Variants in TSGA10 observed in about 807,000 individuals in gnomAD.
TSGA10 encodes testis-specific gene 10 protein.
Under a neutral mutation model 96.6 loss-of-function variants are expected in TSGA10, and 43 were observed. The observed-to-expected ratio is 0.44, with a 90% confidence interval of 0.35 to 0.57. TSGA10 has a LOEUF of 0.57. TSGA10 is among the 20% of genes least tolerant of loss of function. The pLI is 0.01. For synonymous variants in TSGA10, 229 were observed against 269.9 expected, an observed-to-expected ratio of 0.85 and a Z score of 1.48; for missense variants, 703 against 834.4, an observed-to-expected ratio of 0.84 and a Z score of 1.94.
intron 2 of TSGA10, among the ~76,000 whole-genome samples, chr2:99,123,132 G>C (rs1413775368): frequency 6.6e-6 from 1 of 152,130 alleles, no homozygotes; most frequent in Non-Finnish European, 1.5e-5. Context: ...GCTGTCACTT[G>C]AATTGGTGTT....
chr2:99,044,934 G>T (rs766153596), intron 16 of TSGA10, among the ~76,000 whole-genome samples: 8 of 151,908 alleles, frequency 5.3e-5, no homozygotes, highest in Admixed American at 2.0e-4. Flanking sequence ...ATGACTACTG[G>T]GTACATAACA....
intron 7 of TSGA10, 43 bp from the exon 8 acceptor site, chr2:99,105,740 C>A (rs925265280): frequency 6.6e-7 from 1 of 1,519,410 alleles, no homozygotes; most frequent in African/African-American, 1.4e-5. Context: ...AGCTTTAGAA[C>A]ACATAAACAT....
At chr2:99,032,317 A>G (rs971956357) in intron 17 of TSGA10, among the ~76,000 whole-genome samples, 1 of 152,236 alleles carries the variant, frequency 6.6e-6, no homozygotes, top group Non-Finnish European at 1.5e-5. Context: ...AAAAGACCCA[A>G]TGATGAGACA....
intron 1 of TSGA10, among the ~76,000 whole-genome samples, chr2:99,138,917 G>T (rs752729866): frequency 6.6e-6 from 1 of 152,150 alleles, no homozygotes; most frequent in Non-Finnish European, 1.5e-5. Context: ...GAGGTAATAA[G>T]AGGAAACCCA....
chr2:99,112,695 G>A (rs935764167), intron 4 of TSGA10, among the ~76,000 whole-genome samples: 1 of 151,554 alleles, frequency 6.6e-6, no homozygotes, highest in South Asian at 2.1e-4. Context: ...TATGGAGACC[G>A]GCATGGCTGG....
chr2:99,057,966 G>T (rs2084192666), intron 16 of TSGA10, among the ~76,000 whole-genome samples: 1 of 152,092 alleles, frequency 6.6e-6, no homozygotes. Flanking sequence ...ATTGATTTTT[G>T]ATAGAGGTGC....
chr2:99,117,169 T>G (rs1417318183), intron 4 of TSGA10: 2 of 152,226 alleles, frequency 1.3e-5, no homozygotes, highest in African/African-American at 4.8e-5. Flanking sequence ...GGTAAAAATC[T>G]TTTTTAATGG....
chr2:99,131,589 T>C (rs900798207), intron 1 of TSGA10, among the ~76,000 whole-genome samples: 4 of 152,234 alleles, frequency 2.6e-5, no homozygotes, highest in African/African-American at 4.8e-5. Flanking sequence ...GACTCCTCTC[T>C]TCCTATTTGA....
intron 20 of TSGA10, among the ~76,000 whole-genome samples, chr2:98,999,499 T>C (rs116613410): frequency 0.018 from 2,747 of 152,222 alleles, 85 homozygotes; most frequent in African/African-American, 0.063. Context: ...CATTTGAAAC[T>C]GAGAGTAAAA....
At chr2:99,089,506 G>A (rs371020713) in intron 10 of TSGA10, among the ~76,000 whole-genome samples, 20 of 152,290 alleles carry the variant, frequency 1.3e-4, no homozygotes, top group Middle Eastern at 3.4e-3. Context: ...CTGGTAGCCT[G>A]GGGCAAGTTC....
chr2:99,154,950 G>A, upstream of TSGA10: 2 of 454,062 alleles, frequency 4.4e-6, no homozygotes, highest in South Asian at 3.1e-5. Context: ...CTCAGGGGGC[G>A]GGGCAGCATC....
Position 99,055,805 on chromosome 2 carries a change from A to G in TSGA10, c.1404+9134T>C, listed in dbSNP as rs1166018059. ...GAGGTCAAGGCTGCAGTGAGCCGTG[A>G]TTGCACCACTGCATTCCAGCCTGGG... On this transcript the variant is annotated intron_variant, in intron 16 of 20. Transcript: ENST00000393483. Among the ~76,000 whole-genome samples, 5 of 146,426 alleles carry G rather than the reference A, an allele frequency of 3.4e-5. No individual in the cohort carries two copies. In the East Asian group the frequency reaches 1.1e-3, roughly 31 times the overall value.
chr2:99,108,196 C>A (rs950412211), intron 7 of TSGA10, among the ~76,000 whole-genome samples: 1 of 152,154 alleles, frequency 6.6e-6, no homozygotes, highest in African/African-American at 2.4e-5. Context: ...ATCTCCCTAA[C>A]TAGACTGTAA....
Position 99,105,682 on chromosome 2 carries a change from T to C in TSGA10, c.226A>G (p.Thr76Ala). The C allele has an allele frequency of 6.3e-7, 1 of 1,591,018 alleles. No homozygotes were observed. The highest frequency in any genetic ancestry group is 1.1e-5 in the South Asian group (1 of 90,094). The change falls in exon 8 of 21, where the codon ACC (threonine) becomes GCC (alanine). Residue 76 changes from threonine (T) to alanine (A), a missense_variant. Thr to Ala is a moderately conservative substitution (Grantham distance 58). Around this residue, in one of 3 missense-constraint regions of TSGA10, gnomAD observed 585 missense variants for 656.8 expected, o/e 0.89. Coordinates refer to ENST00000393483, the MANE Select transcript of TSGA10 (RefSeq NM_025244.4). Reference protein sequence around the residue: ...LLYEQAQEEITRLRREMMKSC... With the variant: ...LLYEQAQEEIARLRREMMKSC... ...TTCATCATTTCTCGTCGAAGTCGGG[T>C]AATTTCTTCCTGTGCCTATTATTTA...
intron 16 of TSGA10, among the ~76,000 whole-genome samples, chr2:99,064,310 G>A (rs1230223977): frequency 6.6e-6 from 1 of 152,164 alleles, no homozygotes; most frequent in Non-Finnish European, 1.5e-5. Flanking sequence ...ATATGCAACT[G>A]TTTGAGTAAA....
At chr2:99,031,646 T>C (rs189723471) in intron 17 of TSGA10, among the ~76,000 whole-genome samples, 2 of 152,302 alleles carry the variant, frequency 1.3e-5, no homozygotes, top group East Asian at 3.9e-4. Flanking sequence ...GGCCACAGAC[T>C]GCTACCAGTC....
intron 2 of TSGA10, among the ~76,000 whole-genome samples, chr2:99,124,016 T>C (rs1250444888): frequency 6.6e-6 from 1 of 152,230 alleles, no homozygotes; most frequent in African/African-American, 2.4e-5. Context: ...AGCTGGATCA[T>C]ATTATTAGTC....
At chr2:99,065,489 A>G (rs1270988443) in intron 15 of TSGA10, among the ~76,000 whole-genome samples, 1 of 152,094 alleles carries the variant, frequency 6.6e-6, no homozygotes, top group Non-Finnish European at 1.5e-5. Flanking sequence ...CTGGATTCTG[A>G]GCCTCTGACC....
chr2:99,128,597 C>T (rs578253651), intron 1 of TSGA10, among the ~76,000 whole-genome samples: 4 of 152,268 alleles, frequency 2.6e-5, no homozygotes, highest in African/African-American at 9.6e-5. Context: ...GGTACAGAGA[C>T]CACATGTTGA....
Sources: gnomAD v4.1 joint callset for allele counts (sites outside exome capture counted in the v4.1 genomes callset) on GRCh38, gnomAD v4.1.1 for gene constraint, gnomAD v4.1.1 regional missense constraint, MANE v1.5 for transcripts, NCBI Gene and HGNC (gene_info 2026-07-23, HGNC 2026-07-21) for gene names.